MRPS28: variants seen among roughly 807,000 people sequenced by gnomAD.
MRPS28 encodes small ribosomal subunit protein bS1m.
MRPS28 carries 7 observed loss-of-function variants against 10.8 expected under a neutral mutation model. The observed-to-expected ratio is 0.65, with a 90% CI of 0.37 to 1.22. The LOEUF is 1.22. Ranked by LOEUF, MRPS28 falls within the 50% of genes most tolerant of loss-of-function variation. The pLI, the probability that MRPS28 is intolerant of heterozygous loss-of-function variation, is 0.02. For missense variants in MRPS28, 265 were observed against 232.9 expected (o/e 1.14, Z -0.90); for synonymous variants, 121 against 93.3 (o/e 1.30, Z -1.71).
chr8:80,021,335 T>C (rs1809358595), intron 1 of MRPS28, among the ~76,000 whole-genome samples: 1 of 152,154 alleles, frequency 6.6e-6, no homozygotes, highest in African/African-American at 2.4e-5. Context: ...CTGGAACATC[T>C]GCTCAAAAAT....
At chr8:80,008,905 C>T (rs1481535664) in intron 1 of MRPS28, among the ~76,000 whole-genome samples, 1 of 152,190 alleles carries the variant, frequency 6.6e-6, no homozygotes, top group African/African-American at 2.4e-5. Flanking sequence ...TACCATTTGA[C>T]CCAGCCATCC....
chr8:80,025,525 G>C (rs1289001750), intron 1 of MRPS28, among the ~76,000 whole-genome samples: 3 of 152,058 alleles, frequency 2.0e-5, no homozygotes, highest in Non-Finnish European at 4.4e-5. Flanking sequence ...CAACCTAAAA[G>C]TTCAATAATT....
intron 2 of MRPS28, among the ~76,000 whole-genome samples, chr8:79,928,914 C>T (rs536900449): frequency 2.8e-4 from 42 of 152,102 alleles, no homozygotes; most frequent in African/African-American, 8.4e-4. Context: ...GGCGTGGTGG[C>T]GCATGCCTGT....
chr8:79,985,075 C>T (rs1808112909), intron 2 of MRPS28, among the ~76,000 whole-genome samples: 2 of 152,198 alleles, frequency 1.3e-5, no homozygotes, highest in Admixed American at 6.5e-5. Flanking sequence ...AACAAACTGT[C>T]TCTCAGACCA....
chr8:79,964,393 A>C (rs1402572621), intron 2 of MRPS28, among the ~76,000 whole-genome samples: 1 of 152,152 alleles, frequency 6.6e-6, no homozygotes, highest in Non-Finnish European at 1.5e-5. Context: ...ACAGACAGAT[A>C]CTTCCACTGG....
intron 2 of MRPS28, among the ~76,000 whole-genome samples, chr8:79,996,626 G>A (rs1808507895): frequency 1.3e-5 from 2 of 152,126 alleles, no homozygotes; most frequent in African/African-American, 4.8e-5. Flanking sequence ...ACATCACACT[G>A]GTGATTATGT....
chr8:80,019,830 T>C (rs563533407), intron 1 of MRPS28, among the ~76,000 whole-genome samples: 57 of 152,272 alleles, frequency 3.7e-4, no homozygotes, highest in Non-Finnish European at 5.9e-4. Flanking sequence ...GGCCAAAGTA[T>C]TGGTAGTCAT....
chr8:79,996,518 TG>T (rs1327971612), intron 2 of MRPS28, among the ~76,000 whole-genome samples: 3 of 152,226 alleles, frequency 2.0e-5, no homozygotes, highest in African/African-American at 7.2e-5. Context: ...GACCTGGTTC[TG>T]GTTCATAGAT....
chr8:80,029,893 G>A, intron 1 of MRPS28, 143 bp downstream of exon 1: 4 of 1,536,554 alleles, frequency 2.6e-6, no homozygotes, highest in South Asian at 2.4e-5. Context: ...CGAGGGCTGA[G>A]CCACAACGCA....
In MRPS28 at chr8:80,017,694, C is replaced by T. The variant is rs866005146; in HGVS notation, c.213+12342G>A. On this transcript the variant is annotated intron_variant, in intron 1 of 2. Transcript: ENST00000276585. ...ATTTAAAGAAGAAATCAAACCAATTCTCTACAATCTCTTTCAGAAGATAGG... is the reference window on the plus strand; with the variant it reads ...ATTTAAAGAAGAAATCAAACCAATTTTCTACAATCTCTTTCAGAAGATAGG... 3.9e-5 allele frequency among the ~76,000 whole-genome samples: 6 copies of T among 152,280 alleles called. 1 individual carries two copies. In the South Asian group the frequency reaches 1.2e-3, roughly 32 times the overall value.
intron 1 of MRPS28, among the ~76,000 whole-genome samples, chr8:80,025,672 G>A (rs1809477825): frequency 6.6e-6 from 1 of 152,150 alleles, no homozygotes; most frequent in Admixed American, 6.5e-5. Context: ...AACATACTAA[G>A]TGCTTATTAA....
chr8:79,976,822 AATG>A (rs1004686368), intron 2 of MRPS28, among the ~76,000 whole-genome samples: 1 of 152,256 alleles, frequency 6.6e-6, no homozygotes, highest in African/African-American at 2.4e-5. Flanking sequence ...TTTAAAATAA[AATG>A]ATATTTTTCA....
intron 2 of MRPS28, among the ~76,000 whole-genome samples, chr8:79,968,921 G>A (rs1280261071): frequency 6.6e-6 from 1 of 152,070 alleles, no homozygotes; most frequent in African/African-American, 2.4e-5. Context: ...AGTAACATGT[G>A]TACTTGGACA....
At position 79,982,728 on chromosome 8, in the gene MRPS28, G is replaced by C. The variant is rs551267633; in HGVS notation, c.395+20271C>G. On this transcript the variant is annotated intron_variant, in intron 2 of 2. Transcript: ENST00000276585. Reference sequence around the variant, plus strand: ...GGCTGAGGGACGGGCACCCGCCATTGCCCAGGCTTGCTTAGGTAAACAAAG... The same window carrying C: ...GGCTGAGGGACGGGCACCCGCCATTCCCCAGGCTTGCTTAGGTAAACAAAG... Among the ~76,000 whole-genome samples, 16 of 152,318 alleles carry C rather than the reference G, an allele frequency of 1.1e-4. No individual in the cohort carries two copies. In the East Asian group the frequency reaches 3.1e-3, roughly 29 times the overall value.
chr8:79,998,730 G>A (rs112312278), intron 2 of MRPS28, among the ~76,000 whole-genome samples: 2 of 152,126 alleles, frequency 1.3e-5, no homozygotes, highest in Non-Finnish European at 2.9e-5. Flanking sequence ...ACTCTAGGGC[G>A]TTTTGGTACA....
intron 1 of MRPS28, among the ~76,000 whole-genome samples, chr8:80,016,393 T>C (rs1156786656): frequency 1.3e-5 from 2 of 151,210 alleles, no homozygotes; most frequent in Non-Finnish European, 2.9e-5. Flanking sequence ...GAGTGAGATA[T>C]CTAAAGTGTT....
At chr8:79,995,041 C>T (rs1008342383) in intron 2 of MRPS28, among the ~76,000 whole-genome samples, 4 of 152,148 alleles carry the variant, frequency 2.6e-5, no homozygotes, top group Non-Finnish European at 4.4e-5. Context: ...ATTGAACCAT[C>T]GATTCCTTCT....
At chr8:79,966,114 T>C (rs533053613) in intron 2 of MRPS28, among the ~76,000 whole-genome samples, 1 of 152,198 alleles carries the variant, frequency 6.6e-6, no homozygotes, top group Admixed American at 6.5e-5. Context: ...AAAAATATTT[T>C]CTTTAATTCT....
rs1809596835 is a variant in MRPS28, at chr8:80,029,704, T to C, written c.213+332A>G. Reference sequence around the variant, plus strand: ...CCTCTCCGTGTGAGTCCCATTCTCCTTAGCGTCCCAGGAATCGCCCTAGAT... The same window carrying C: ...CCTCTCCGTGTGAGTCCCATTCTCCCTAGCGTCCCAGGAATCGCCCTAGAT... On this transcript the variant is annotated intron_variant, in intron 1 of 2. Coordinates refer to ENST00000276585, the MANE Select transcript of MRPS28 (RefSeq NM_014018.3). 2.2e-6 allele frequency: 3 copies of C among 1,392,470 alleles called. No homozygotes were observed. The African/African-American group carries it at 4.3e-5, about 20-fold the overall frequency. The allele number at this position is 1,392,470 out of a possible 1,614,324, so 86.3% of individuals were successfully genotyped here.
Sources: gnomAD v4.1 joint callset for allele counts (sites outside exome capture counted in the v4.1 genomes callset) on GRCh38, gnomAD v4.1.1 for gene constraint, MANE v1.5 for transcripts, NCBI Gene and HGNC (gene_info 2026-07-23, HGNC 2026-07-21) for gene names.